BSPH1: variants seen among roughly 807,000 people sequenced by gnomAD.
BSPH1 encodes binder of sperm 1.
In BSPH1, 21 loss-of-function variants were observed where a neutral mutation model predicts 22.5. The ratio of observed to expected loss-of-function variants is 0.93; its 90% CI spans 0.66 to 1.35. The LOEUF is 1.35. BSPH1 is among the 40% of genes most tolerant of loss of function. BSPH1 has a pLI of 0.00. For missense variants in BSPH1, 141 were observed against 154.2 expected (o/e 0.91, Z 0.45); for synonymous variants, 42 against 53.6 (o/e 0.78, Z 0.95).
intron 3 of BSPH1, 69 bp downstream of exon 3, chr19:47,979,501 T>C (rs1390411798): frequency 1.3e-6 from 1 of 763,656 alleles, no homozygotes; most frequent in Non-Finnish European, 2.1e-6. Context: ...AAAACATTAC[T>C]GATTTCCTCA....
intron 2 of BSPH1, chr19:47,980,487 T>C (rs1600088854): frequency 1.3e-5 from 5 of 374,752 alleles, no homozygotes; most frequent in Non-Finnish European, 1.8e-5. Flanking sequence ...CTTTTTTTTT[T>C]TTTTTTTTTT....
intron 5 of BSPH1, 119 bp downstream of exon 5, chr19:47,976,591 A>AAAC: frequency 2.9e-6 from 2 of 679,154 alleles, no homozygotes; most frequent in African/African-American, 2.0e-5. Flanking sequence ...AGAAAAAAAA[A>AAAC]AAAAACAAAA....
intron 1 of BSPH1, among the ~76,000 whole-genome samples, chr19:47,984,191 A>G (rs1283705458): frequency 6.8e-6 from 1 of 147,082 alleles, no homozygotes; most frequent in Non-Finnish European, 1.5e-5. Flanking sequence ...ATATAAATAT[A>G]TATAATATGT....
intron 1 of BSPH1, among the ~76,000 whole-genome samples, chr19:47,987,915 A>AG (rs1969486048): frequency 6.6e-6 from 1 of 152,044 alleles, no homozygotes. Context: ...TAATTACTTC[A>AG]GTCCCGGGAG....
At chr19:47,978,058 A>C (rs1969385165) in intron 3 of BSPH1, among the ~76,000 whole-genome samples, 1 of 148,796 alleles carries the variant, frequency 6.7e-6, no homozygotes, top group Non-Finnish European at 1.5e-5. Context: ...ACATACAGGC[A>C]CACATACATA....
intron 1 of BSPH1, among the ~76,000 whole-genome samples, chr19:47,987,834 T>C (rs2122265289): frequency 6.6e-6 from 1 of 151,802 alleles, no homozygotes; most frequent in African/African-American, 2.4e-5. Context: ...TCTACCAAAA[T>C]TACAAAAAAA....
At chr19:47,984,836 G>T (rs150780358) in intron 1 of BSPH1, among the ~76,000 whole-genome samples, 3,079 of 152,052 alleles carry the variant, frequency 0.02, 81 homozygotes, top group African/African-American at 0.063. Context: ...CAGCACTTTG[G>T]GAAGCTGAGG....
At chr19:47,972,624 G>T (rs1969320438) in intron 5 of BSPH1, among the ~76,000 whole-genome samples, 1 of 151,986 alleles carries the variant, frequency 6.6e-6, no homozygotes, top group Non-Finnish European at 1.5e-5. Flanking sequence ...CTTTAAGGTA[G>T]TTATATAGAG....
chr19:47,990,499 A>G (rs994248568), intron 1 of BSPH1, among the ~76,000 whole-genome samples: 2 of 152,152 alleles, frequency 1.3e-5, no homozygotes, highest in African/African-American at 4.8e-5. Flanking sequence ...CCTGTGGCCA[A>G]GTACAGTGTT....
chr19:47,972,280 C>CTTTT (rs71181620), intron 5 of BSPH1, among the ~76,000 whole-genome samples: 1 of 136,792 alleles, frequency 7.3e-6, no homozygotes, highest in African/African-American at 2.8e-5. Context: ...CCTTGATATT[C>CTTTT]TTTTTTTTTT....
At chr19:47,971,527 A>G (rs1969311605) in intron 5 of BSPH1, among the ~76,000 whole-genome samples, 2 of 152,228 alleles carry the variant, frequency 1.3e-5, no homozygotes, top group African/African-American at 4.8e-5. Flanking sequence ...TTTTAAAATA[A>G]AGAGATTTTA....
chr19:47,976,946 C>T, intron 4 of BSPH1, 92 bp from the exon 5 acceptor site: 1 of 1,217,970 alleles, frequency 8.2e-7, no homozygotes, highest in Non-Finnish European at 1.2e-6. Flanking sequence ...CACACATATG[C>T]ACACATGTGC....
At chr19:47,977,126 G>T (rs1429813239) in intron 4 of BSPH1, among the ~76,000 whole-genome samples, 1 of 152,128 alleles carries the variant, frequency 6.6e-6, no homozygotes, top group African/African-American at 2.4e-5. Context: ...TATTGGTGGG[G>T]GATTCAGATC....
Position 47,976,765 on chromosome 19 carries a change from A to C in BSPH1, c.346T>G (p.Cys116Gly). ...TTGTTAAAATTCTTGGTCAGTGAACACCATTTTTTCCCAAATGCTTCCCCA... is the reference window on the plus strand; with the variant it reads ...TTGTTAAAATTCTTGGTCAGTGAACCCCATTTTTTCCCAAATGCTTCCCCA... ...DDGEAFGKKW[C>G]SLTKNFNKDR... is the part of the protein sequence containing the mutation. Residue 116 changes from cysteine to glycine, a missense_variant, in exon 5 of 6, where the codon TGT becomes GGT. Transcript: ENST00000344839. The C allele has an allele frequency of 6.4e-7, 1 of 1,551,732 alleles. No homozygotes were observed. Among genetic ancestry groups the C allele is most frequent in the South Asian group, 1.2e-5 (1 of 84,058 alleles).
At chr19:47,967,607 G>A (rs527506049), downstream of BSPH1, among the ~76,000 whole-genome samples, 130 of 152,228 alleles carry the variant, frequency 8.5e-4, no homozygotes, top group Middle Eastern at 3.4e-3. Flanking sequence ...CTCTCTGTCT[G>A]TCCAAATTTT....
intron 1 of BSPH1, among the ~76,000 whole-genome samples, chr19:47,991,771 A>C (rs1193151878): frequency 0.011 from 288 of 25,872 alleles, no homozygotes; most frequent in African/African-American, 0.013. Context: ...TTCCTTCTTC[A>C]CCTCCTCCCC....
At chr19:47,971,573 C>T (rs539239223) in intron 5 of BSPH1, among the ~76,000 whole-genome samples, 1 of 152,204 alleles carries the variant, frequency 6.6e-6, no homozygotes, top group South Asian at 2.1e-4. Context: ...CTTCTTTGAC[C>T]GAATCCCTCT....
At chr19:47,984,136 C>T (rs1969445901) in intron 1 of BSPH1, among the ~76,000 whole-genome samples, 1 of 118,174 alleles carries the variant, frequency 8.5e-6, no homozygotes, top group South Asian at 2.8e-4. Flanking sequence ...TGTAAGCCAC[C>T]ATGCCTGGCT....
chr19:47,979,151 C>G (rs1412465575), intron 3 of BSPH1, among the ~76,000 whole-genome samples: 1 of 151,730 alleles, frequency 6.6e-6, no homozygotes, highest in African/African-American at 2.4e-5. Context: ...CTTCTTCTTC[C>G]TCTTCTTCTT....
Sources: gnomAD v4.1 joint callset for allele counts (sites outside exome capture counted in the v4.1 genomes callset) on GRCh38, gnomAD v4.1.1 for gene constraint, MANE v1.5 for transcripts, NCBI Gene and HGNC (gene_info 2026-07-23, HGNC 2026-07-21) for gene names.